The following TMEM135 variants were observed in gnomAD, a reference collection of about 807,000 sequenced individuals.
TMEM135 encodes peroxisomal membrane protein 52.
A neutral mutation model predicts 60.3 loss-of-function variants in TMEM135; 30 were observed. The observed-to-expected ratio is 0.50, with a 90% CI of 0.37 to 0.68. TMEM135 has a LOEUF of 0.68. TMEM135 is among the 30% of genes least tolerant of loss of function. The pLI is 0.00. For missense variants in TMEM135, 468 were observed against 548.8 expected (o/e 0.85, Z 1.47); for synonymous variants, 190 against 186.7 (o/e 1.02, Z -0.14).
intron 1 of TMEM135, among the ~76,000 whole-genome samples, chr11:87,040,590 A>T (rs964187485): frequency 2.4e-4 from 36 of 150,792 alleles, no homozygotes; most frequent in African/African-American, 8.3e-4. Flanking sequence ...TGAACCTGGG[A>T]GGTGGAGGTT....
At chr11:87,240,766 A>G (rs987985029) in intron 6 of TMEM135, among the ~76,000 whole-genome samples, 1 of 152,160 alleles carries the variant, frequency 6.6e-6, no homozygotes, top group Non-Finnish European at 1.5e-5. Flanking sequence ...ATAAATTTAA[A>G]ATAGTACTGT....
intron 6 of TMEM135, among the ~76,000 whole-genome samples, chr11:87,273,363 G>A (rs956312223): frequency 7.9e-5 from 12 of 152,034 alleles, no homozygotes; most frequent in Admixed American, 7.9e-4. Flanking sequence ...GACAATATTT[G>A]ACTTCAAGGA....
intron 3 of TMEM135, among the ~76,000 whole-genome samples, chr11:87,077,601 C>G (rs1856901102): frequency 6.6e-6 from 1 of 152,200 alleles, no homozygotes; most frequent in South Asian, 2.1e-4. Context: ...TTTATTGAGT[C>G]ATAATTCATA....
chr11:87,174,052 G>C (rs1939309252), intron 5 of TMEM135, among the ~76,000 whole-genome samples: 1 of 152,096 alleles, frequency 6.6e-6, no homozygotes, highest in African/African-American at 2.4e-5. Context: ...ACAAACATGA[G>C]AATACTGTTA....
At chr11:87,148,245 C>T (rs879599622) in intron 4 of TMEM135, among the ~76,000 whole-genome samples, 3 of 152,088 alleles carry the variant, frequency 2.0e-5, no homozygotes, top group Non-Finnish European at 2.9e-5. Context: ...TTATTTTTGA[C>T]CCTTGTTAGT....
chr11:87,087,584 A>G (rs1209151281), intron 3 of TMEM135, among the ~76,000 whole-genome samples: 1 of 152,214 alleles, frequency 6.6e-6, no homozygotes, highest in African/African-American at 2.4e-5. Context: ...ATTTTGTTAC[A>G]AACAAGTCAT....
intron 5 of TMEM135, among the ~76,000 whole-genome samples, chr11:87,184,900 A>G (rs1269569535): frequency 5.3e-5 from 8 of 152,184 alleles, no homozygotes; most frequent in Non-Finnish European, 2.9e-5. Flanking sequence ...ATAAAAACTT[A>G]GGGTGCCACT....
chr11:87,291,361 T>C (rs1282343286), intron 6 of TMEM135, among the ~76,000 whole-genome samples: 7 of 152,066 alleles, frequency 4.6e-5, no homozygotes, highest in African/African-American at 1.7e-4. Flanking sequence ...CCCTCTCTTT[T>C]ACTCCACGTT....
intron 8 of TMEM135, among the ~76,000 whole-genome samples, chr11:87,305,559 A>T (rs534310832): frequency 6.2e-4 from 95 of 152,198 alleles, no homozygotes; most frequent in African/African-American, 2.2e-3. Flanking sequence ...GGATCACCTG[A>T]GGTCAGGAGC....
At chr11:87,041,553 G>A (rs551178899) in intron 1 of TMEM135, among the ~76,000 whole-genome samples, 18 of 152,220 alleles carry the variant, frequency 1.2e-4, no homozygotes, top group South Asian at 2.1e-4. Context: ...AAAAATTACC[G>A]AATCGCATGG....
chr11:87,080,329 A>G (rs751537953), intron 3 of TMEM135, among the ~76,000 whole-genome samples: 9 of 152,066 alleles, frequency 5.9e-5, no homozygotes, highest in Non-Finnish European at 1.3e-4. Flanking sequence ...TGCCATTAGC[A>G]CTGCCTTCCC....
intron 5 of TMEM135, among the ~76,000 whole-genome samples, chr11:87,207,677 C>T (rs1273844378): frequency 6.6e-6 from 1 of 152,174 alleles, no homozygotes; most frequent in Non-Finnish European, 1.5e-5. Flanking sequence ...AAATTTAACA[C>T]TGTCATTTTC....
At chr11:87,226,713 T>A (rs1452303467) in intron 5 of TMEM135, among the ~76,000 whole-genome samples, 1 of 152,186 alleles carries the variant, frequency 6.6e-6, no homozygotes, top group African/African-American at 2.4e-5. Context: ...AAGGTTAATG[T>A]GTTGCCAGAC....
chr11:87,295,404 T>G (rs975507086), intron 6 of TMEM135, among the ~76,000 whole-genome samples: 2 of 152,190 alleles, frequency 1.3e-5, no homozygotes, highest in African/African-American at 4.8e-5. Context: ...TTGATCTATA[T>G]ATAACACCCA....
At chr11:87,213,610 A>G (rs1055750627) in intron 5 of TMEM135, among the ~76,000 whole-genome samples, 2 of 152,006 alleles carry the variant, frequency 1.3e-5, no homozygotes, top group Non-Finnish European at 2.9e-5. Context: ...TTGTTCTTCC[A>G]TATTAGTAGG....
chr11:87,080,148 T>C (rs1459290594), intron 3 of TMEM135, among the ~76,000 whole-genome samples: 4 of 150,300 alleles, frequency 2.7e-5, no homozygotes, highest in Non-Finnish European at 5.9e-5. Flanking sequence ...CTGAGCTTTC[T>C]TCTTTTGCCT....
At chr11:87,063,561 T>G (rs1004531918) in intron 1 of TMEM135, among the ~76,000 whole-genome samples, 3 of 152,244 alleles carry the variant, frequency 2.0e-5, no homozygotes, top group Non-Finnish European at 4.4e-5. Context: ...TTTTTCATGC[T>G]GTAGTGTGCT....
At chr11:87,319,245 G>T (rs1181481739) in intron 13 of TMEM135, 65 bp from the exon 14 acceptor site, 2 of 1,286,596 alleles carry the variant, frequency 1.6e-6, no homozygotes, top group African/African-American at 2.9e-5. Flanking sequence ...ATACACCTTT[G>T]TGTATTTCAT....
chr11:87,188,683 G>C (rs1298768182), intron 5 of TMEM135, among the ~76,000 whole-genome samples: 1 of 136,446 alleles, frequency 7.3e-6, no homozygotes, highest in Non-Finnish European at 1.5e-5. Flanking sequence ...CAGCCTGGGT[G>C]ACAAGAGTGA....
Sources: gnomAD v4.1 joint callset for allele counts (sites outside exome capture counted in the v4.1 genomes callset) on GRCh38, gnomAD v4.1.1 for gene constraint, MANE v1.5 for transcripts, NCBI Gene and HGNC (gene_info 2026-07-23, HGNC 2026-07-21) for gene names.